Variants in SAXO1 observed in about 807,000 individuals in gnomAD.
The protein encoded by SAXO1 is 4930500O09Rik.
A neutral mutation model predicts 17.5 loss-of-function variants in SAXO1; 21 were observed. The observed-to-expected ratio is 1.20, with a 90% confidence interval of 0.85 to 1.72. The LOEUF is 1.72. Ranked by LOEUF, SAXO1 falls within the 40% of genes most tolerant of loss-of-function variation. The pLI is 0.00. For synonymous variants in SAXO1, 274 were observed against 216.5 expected (o/e 1.27, Z -2.33); for missense variants, 843 against 596.0 (o/e 1.41, Z -4.32).
Position 19,033,101 on chromosome 9 carries a change from G to T in SAXO1, c.-193C>A, listed in dbSNP as rs190086560. On this transcript the variant is annotated 5_prime_UTR_variant, in exon 1 of 4. Coordinates refer to ENST00000380534, the MANE Select transcript of SAXO1 (RefSeq NM_153707.4). ...GTTGCCCTCCTGGAGCTGGCCTAGC[G>T]CGAGGTAGCAGCAGGGGGCTTGCAC... is the stretch of plus-strand genomic sequence containing the variant. 9.2e-6 allele frequency: 5 copies of T among 544,848 alleles called. No individual in the cohort carries two copies. Among genetic ancestry groups the T allele is most frequent in the South Asian group, 6.2e-5 (2 of 32,136 alleles). The allele number at this position is 544,848 out of a possible 1,614,324, so 33.8% of individuals were successfully genotyped here.
At chr9:18,959,255 G>C (rs965164848) in intron 1 of SAXO1, among the ~76,000 whole-genome samples, 1 of 152,154 alleles carries the variant, frequency 6.6e-6, no homozygotes, top group African/African-American at 2.4e-5. Flanking sequence ...ACTAAAATCA[G>C]ATCATCTTGC....
chr9:18,955,834 C>G (rs975964413), intron 1 of SAXO1, among the ~76,000 whole-genome samples: 4 of 152,144 alleles, frequency 2.6e-5, no homozygotes, highest in African/African-American at 9.7e-5. Flanking sequence ...CTGAAGATCC[C>G]ACTACACAGT....
At chr9:18,929,664 C>T (rs182723578) in intron 3 of SAXO1, among the ~76,000 whole-genome samples, 44 of 152,358 alleles carry the variant, frequency 2.9e-4, no homozygotes, top group Non-Finnish European at 4.0e-4. Flanking sequence ...TATTACATAA[C>T]AGGCAGTATT....
In SAXO1 at chr9:18,928,273, C is replaced by T; in HGVS notation, c.1204G>A (p.Val402Met). The T allele has an allele frequency of 6.2e-7, 1 of 1,612,768 alleles. No individual in the cohort carries two copies. The highest frequency in any genetic ancestry group is 8.5e-7 in the Non-Finnish European group (1 of 1,179,008). Reference protein sequence around the residue: ...HWSGPRGNVPVESQTTYTISF... With the variant: ...HWSGPRGNVPMESQTTYTISF... ...ATGGTGTAGGTGGTCTGGCTTTCCA[C>T]AGGGACATTTCCTCGAGGGCCAGAC... The change falls in exon 4 of 4, where the codon GTG becomes ATG. Residue 402 changes from valine to methionine, a missense_variant. Val to Met is a conservative substitution (Grantham distance 21). Transcript: ENST00000380534.
At chr9:18,967,754 G>A (rs1320622843) in intron 1 of SAXO1, among the ~76,000 whole-genome samples, 1 of 151,800 alleles carries the variant, frequency 6.6e-6, no homozygotes, top group African/African-American at 2.4e-5. Flanking sequence ...GGGAGTGAAT[G>A]ATTCTGTCTC....
chr9:19,009,775 T>G (rs1834648050), intron 1 of SAXO1, among the ~76,000 whole-genome samples: 1 of 151,928 alleles, frequency 6.6e-6, no homozygotes, highest in Admixed American at 6.6e-5. Context: ...TTCCATCACC[T>G]CAAAAAGAAT....
chr9:18,972,713 A>G (rs1464068445), intron 1 of SAXO1, among the ~76,000 whole-genome samples: 1 of 152,172 alleles, frequency 6.6e-6, no homozygotes, highest in Non-Finnish European at 1.5e-5. Context: ...CCAGCGTACC[A>G]ACAGAAGGGC....
intron 1 of SAXO1, among the ~76,000 whole-genome samples, chr9:18,979,917 A>G (rs1833302349): frequency 6.6e-6 from 1 of 152,202 alleles, no homozygotes; most frequent in Non-Finnish European, 1.5e-5. Flanking sequence ...GACCTACACT[A>G]AAGTGTGAAA....
chr9:18,946,279 CAA>C (rs56858815), intron 2 of SAXO1, among the ~76,000 whole-genome samples: 3,375 of 33,896 alleles, frequency 0.1, 24 homozygotes, highest in African/African-American at 0.13. Flanking sequence ...TTCATCTCAC[CAA>C]AAAAAAAAAA....
At chr9:18,962,208 T>G (rs564635974) in intron 1 of SAXO1, among the ~76,000 whole-genome samples, 1 of 152,116 alleles carries the variant, frequency 6.6e-6, no homozygotes, top group African/African-American at 2.4e-5. Flanking sequence ...GCTGGAATTA[T>G]AGGCATGTGC....
chr9:19,028,219 T>C, intron 1 of SAXO1: 2 of 960,430 alleles, frequency 2.1e-6, no homozygotes, highest in Non-Finnish European at 3.1e-6. Flanking sequence ...ACAAAAAAAA[T>C]ACAAAAATTA....
intron 1 of SAXO1, among the ~76,000 whole-genome samples, chr9:19,046,103 AGGAGAACAT>A (rs1303074848): frequency 2.0e-5 from 3 of 150,668 alleles, no homozygotes; most frequent in Non-Finnish European, 3.0e-5. Context: ...AAAAAAAAAA[AGGAGAACAT>A]AAGGAGAACA....
intron 3 of SAXO1, among the ~76,000 whole-genome samples, chr9:18,934,759 A>G (rs1831216527): frequency 6.6e-6 from 1 of 152,134 alleles, no homozygotes; most frequent in Admixed American, 6.5e-5. Flanking sequence ...AAAACACAAC[A>G]CTTTAGATAA....
At chr9:19,028,094 T>C in intron 1 of SAXO1, 1 of 1,611,512 alleles carries the variant, frequency 6.2e-7, no homozygotes, top group East Asian at 2.2e-5. Flanking sequence ...ATCCTGGAGG[T>C]CCAGGCCAAG....
Position 19,022,834 on chromosome 9 carries a change from C to T in SAXO1, c.38+10037G>A, listed in dbSNP as rs577118835. Reference sequence around the variant, plus strand: ...TTTAGAGAAACAACCAGAGAAACTTCAAAGTTACTTTGAACAAGCTGGTAA... The same window carrying T: ...TTTAGAGAAACAACCAGAGAAACTTTAAAGTTACTTTGAACAAGCTGGTAA... On this transcript the variant is annotated intron_variant, in intron 1 of 3. Transcript: ENST00000380534. Among the ~76,000 whole-genome samples the T allele has an allele frequency of 3.3e-5, 5 of 152,224 alleles. No individual in the cohort carries two copies. The East Asian group carries it at 9.7e-4, about 29-fold the overall frequency.
At chr9:19,021,315 A>G (rs969536109) in intron 1 of SAXO1, among the ~76,000 whole-genome samples, 1 of 152,204 alleles carries the variant, frequency 6.6e-6, no homozygotes, top group African/African-American at 2.4e-5. Flanking sequence ...CCCAGAAGAA[A>G]ACAGATCAGA....
intron 1 of SAXO1, among the ~76,000 whole-genome samples, chr9:18,975,150 C>T (rs1007425902): frequency 2.0e-5 from 3 of 152,070 alleles, no homozygotes; most frequent in African/African-American, 7.2e-5. Context: ...GGAAGTTGGG[C>T]AGATGCAAAG....
chr9:18,933,870 C>A (rs1378721422), intron 3 of SAXO1, among the ~76,000 whole-genome samples: 1 of 152,036 alleles, frequency 6.6e-6, no homozygotes, highest in Non-Finnish European at 1.5e-5. Context: ...CATGGTGAAA[C>A]CCTGTCTCTA....
intron 1 of SAXO1, among the ~76,000 whole-genome samples, chr9:18,972,390 T>G (rs1832974783): frequency 1.3e-5 from 2 of 152,238 alleles, no homozygotes; most frequent in Non-Finnish European, 2.9e-5. Flanking sequence ...ATGAGACCTT[T>G]GCCTTTTGTT....
Sources: gnomAD v4.1 joint callset for allele counts (sites outside exome capture counted in the v4.1 genomes callset) on GRCh38, gnomAD v4.1.1 for gene constraint, MANE v1.5 for transcripts, NCBI Gene and HGNC (gene_info 2026-07-23, HGNC 2026-07-21) for gene names.